The following INTS2 variants were observed in gnomAD, a reference collection of about 807,000 sequenced individuals.
INTS2 encodes the protein integrator complex subunit 2, also known as KIAA1287.
Under a neutral mutation model 139.6 loss-of-function variants are expected in INTS2, and 57 were observed. The observed-to-expected ratio is 0.41, with a 90% CI of 0.33 to 0.51. The LOEUF is 0.51. Ranked by LOEUF, INTS2 falls within the 20% of genes least tolerant of loss-of-function variation. The probability of loss-of-function intolerance (pLI) is 0.28; values close to 1 mark genes in which losing one functional copy is unlikely to be tolerated. For missense variants in INTS2, 1,196 were observed against 1,436.7 expected (o/e 0.83, Z 2.71); for synonymous variants, 473 against 493.4 (o/e 0.96, Z 0.55).
chr17:61,901,567 A>C, intron 9 of INTS2, among the ~76,000 whole-genome samples: 1 of 143,788 alleles, frequency 7.0e-6, no homozygotes, highest in South Asian at 2.2e-4. Context: ...CCTAAAAGGC[A>C]GAATGATTTC....
intron 1 of INTS2, among the ~76,000 whole-genome samples, chr17:61,926,928 G>A (rs367706171): frequency 6.6e-6 from 1 of 152,302 alleles, no homozygotes; most frequent in East Asian, 1.9e-4. Context: ...GAAGGAATAT[G>A]AAGCCCAGAG....
At chr17:61,911,369 C>A in intron 7 of INTS2, 151 bp downstream of exon 7, 1 of 549,370 alleles carries the variant, frequency 1.8e-6, no homozygotes, top group South Asian at 4.9e-5. Context: ...CTTTGGTATC[C>A]TTAGTGATTT....
At chr17:61,886,059 T>TC (rs1170932768) in intron 15 of INTS2, among the ~76,000 whole-genome samples, 5 of 150,662 alleles carry the variant, frequency 3.3e-5, no homozygotes, top group Non-Finnish European at 7.4e-5. Flanking sequence ...TGACTAAATC[T>TC]TTTTTTTTCC....
chr17:61,888,536 A>G (rs908830051), intron 15 of INTS2, among the ~76,000 whole-genome samples: 3 of 150,230 alleles, frequency 2.0e-5, no homozygotes, highest in African/African-American at 7.4e-5. Context: ...CATTTCAGTG[A>G]CATTCTCTGT....
rs1184562079 is a variant in INTS2, at chr17:61,925,105, G to A, written c.294-6C>T. On this transcript the variant is annotated splice_region_variant and splice_polypyrimidine_tract_variant and intron_variant, in intron 2 of 24. Transcript: ENST00000251334. The stretch of plus-strand genomic sequence containing the variant: ...TGCCTCCTCCAAGTTTATGCCTAAT[G>A]AAGTACAAAACATGTAACAATTATG... The A allele has an allele frequency of 1.9e-6, 3 of 1,612,048 alleles. No individual in the cohort carries two copies. The highest frequency in any genetic ancestry group is 2.5e-6 in the Non-Finnish European group (3 of 1,178,352).
Position 61,925,015 on chromosome 17 carries a change from A to C in INTS2, c.378T>G (p.Asp126Glu). ...HGLTLEFEHS[D>E]SPRRLRLVLS... ...GCACAAGACGCAATCGACGAGGTGA[A>C]TCACTGTGTTCAAACTCTAACGTCA... The change falls in exon 3 of 25, where the codon GAT becomes GAG. Residue 126 changes from aspartate (D) to glutamate (E), a missense_variant. Asp to Glu is a conservative substitution (Grantham distance 45). This residue lies in a region of INTS2 where 1,129 missense variants were observed against 1,341.9 expected (regional missense o/e 0.84). Coordinates refer to ENST00000251334, the MANE Select transcript of INTS2 (RefSeq NM_001351695.2). 3 of 1,613,748 alleles carry C rather than the reference A, an allele frequency of 1.9e-6. No homozygotes were observed. The highest frequency in any genetic ancestry group is 2.5e-6 in the Non-Finnish European group (3 of 1,179,818).
At chr17:61,920,604 G>C (rs542475229) in intron 4 of INTS2, among the ~76,000 whole-genome samples, 54 of 148,342 alleles carry the variant, frequency 3.6e-4, no homozygotes, top group Non-Finnish European at 6.8e-4. Flanking sequence ...AAGAATTCGA[G>C]ACCAGCCTGG....
In INTS2 at chr17:61,876,029, G is replaced by A. The variant is rs192422506; in HGVS notation, c.2457-991C>T. Among the ~76,000 whole-genome samples the A allele has an allele frequency of 4.0e-5, 6 of 151,890 alleles. No homozygotes were observed. The highest frequency in any genetic ancestry group is 2.0e-4 in the Admixed American group (3 of 15,236). ...ACAAAAACTAAAAAAAATTAGGCAG[G>A]CACGGGGGTATGCACCTGTAGTCCA... On this transcript the variant is annotated intron_variant, in intron 18 of 24. Transcript: ENST00000251334. This position sits in a 1 kb window ranked among gnomAD's most constrained non-coding sequence, Gnocchi z 4.1.
At chr17:61,901,944 G>A (rs1370118414) in intron 9 of INTS2, among the ~76,000 whole-genome samples, 1 of 152,040 alleles carries the variant, frequency 6.6e-6, no homozygotes, top group Admixed American at 6.6e-5. Flanking sequence ...TTCTTTTTGA[G>A]ACTGGGTATT....
At chr17:61,922,149 G>T (rs1281806519) in intron 3 of INTS2, among the ~76,000 whole-genome samples, 1 of 152,032 alleles carries the variant, frequency 6.6e-6, no homozygotes, top group Non-Finnish European at 1.5e-5. Context: ...AAAAAGCCAA[G>T]AACAGTCAAC....
At chr17:61,922,036 C>T (rs1814550569) in intron 3 of INTS2, among the ~76,000 whole-genome samples, 1 of 152,116 alleles carries the variant, frequency 6.6e-6, no homozygotes, top group African/African-American at 2.4e-5. Flanking sequence ...CAGTATCAAT[C>T]TCAAGAACTG....
In INTS2 at chr17:61,909,823, ATGTGTGTGTGTGTGTGTGTGTG is replaced by A. The variant is rs78460850; in HGVS notation, c.954+1675_954+1696del. Among the ~76,000 whole-genome samples the A allele has an allele frequency of 1.4e-5, 2 of 138,888 alleles. No individual in the cohort carries two copies. The highest frequency in any genetic ancestry group is 5.2e-5 in the African/African-American group (2 of 38,630). 91.1% of individuals were successfully genotyped at this position (138,888 alleles called of 152,430 possible). A position where few individuals can be genotyped will look rare whatever the true frequency, so the allele number is the denominator to read the frequency against. On this transcript the variant is annotated intron_variant, in intron 7 of 24. Transcript: ENST00000251334. This position sits in a 1 kb window ranked among gnomAD's most constrained non-coding sequence, Gnocchi z 4.9. ...TATACGTGTGTGTGTACATGTGTGT[ATGTGTGTGTGTGTGTGTGTGTG>A]TGTGTGTGTGTGTGTGCATATATCA...
At chr17:61,914,528 T>TTAAA (rs2079558382) in intron 5 of INTS2, among the ~76,000 whole-genome samples, 1 of 151,860 alleles carries the variant, frequency 6.6e-6, no homozygotes, top group African/African-American at 2.4e-5. Flanking sequence ...TGAAACCGTG[T>TTAAA]TACTACTAAA....
chr17:61,868,194 C>A lies in INTS2; in HGVS notation c.3245-185G>T, dbSNP rs1304168010. On this transcript the variant is annotated intron_variant, in intron 23 of 24. Coordinates refer to ENST00000251334, the MANE Select transcript of INTS2 (RefSeq NM_001351695.2). The surrounding 1 kb of genome is among the most constrained non-coding windows in gnomAD (Gnocchi z 4.7). ...TTTATCCAAGATACAAATTATTATG[C>A]ACAAGTTTTGCAATAAGTACATTAC... 6.6e-6 allele frequency among the ~76,000 whole-genome samples: 1 copy of A among 152,054 alleles called. No homozygotes were observed. Among genetic ancestry groups the A allele is most frequent in the Non-Finnish European group, 1.5e-5 (1 of 67,998 alleles).
intron 9 of INTS2, among the ~76,000 whole-genome samples, chr17:61,904,073 G>A (rs981518039): frequency 1.3e-5 from 2 of 152,068 alleles, no homozygotes; most frequent in African/African-American, 4.8e-5. Flanking sequence ...GAACTATTTC[G>A]ACTTATTTAA....
chr17:61,903,809 G>C (rs114826837), intron 9 of INTS2, among the ~76,000 whole-genome samples: 1,537 of 152,142 alleles, frequency 0.01, 18 homozygotes, highest in African/African-American at 0.035. Context: ...GAGAGGATAG[G>C]AAGGACATGT....
chr17:61,872,475 C>A lies in INTS2; in HGVS notation c.2583-15G>T. 6.7e-7 allele frequency: 1 copy of A among 1,489,282 alleles called. No individual in the cohort carries two copies. Among genetic ancestry groups the A allele is most frequent in the Non-Finnish European group, 9.1e-7 (1 of 1,094,334 alleles). 92.3% of individuals were successfully genotyped at this position (1,489,282 alleles called of 1,614,324 possible). On this transcript the variant is annotated splice_polypyrimidine_tract_variant and intron_variant, in intron 19 of 24. Coordinates refer to ENST00000251334, the MANE Select transcript of INTS2 (RefSeq NM_001351695.2). The surrounding 1 kb of genome is among the most constrained non-coding windows in gnomAD (Gnocchi z 4.8). ...GTGGGGGGCATCTAAACAAGGAAAG[C>A]AGAAAAGAAAAATATATCAGAAAGA...
chr17:61,910,943 A>T (rs1351817905), intron 7 of INTS2: 1 of 152,208 alleles, frequency 6.6e-6, no homozygotes, highest in Non-Finnish European at 1.5e-5. Context: ...GGCTTCTACC[A>T]AGCCAGACAT....
intron 9 of INTS2, among the ~76,000 whole-genome samples, chr17:61,903,082 G>C (rs1382447688): frequency 6.8e-6 from 1 of 148,026 alleles, no homozygotes; most frequent in Non-Finnish European, 1.5e-5. Flanking sequence ...GGAGAATGGC[G>C]TGAACCTGGG....
Sources: allele counts gnomAD v4.1 joint callset (sites outside exome capture counted in the v4.1 genomes callset), GRCh38; gene constraint gnomAD v4.1.1; regional missense constraint gnomAD v4.1.1; non-coding constraint Gnocchi (gnomAD v3.1); transcripts MANE v1.5; gene names NCBI Gene and HGNC (gene_info 2026-07-23, HGNC 2026-07-21).